The following FRG1 variants were observed in gnomAD, a reference collection of about 807,000 sequenced individuals.
FRG1 encodes the protein protein FRG1.
In FRG1, 19 loss-of-function variants were observed where a neutral mutation model predicts 37.0. The observed-to-expected ratio is 0.51, with a 90% CI of 0.36 to 0.75. The LOEUF (loss-of-function observed/expected upper bound fraction) is 0.75, where lower values mean the gene tolerates loss of function less well. Among genes scored for constraint, FRG1 ranks in the 30% least tolerant of loss-of-function variants. The pLI is 0.00. For synonymous variants in FRG1, 73 were observed against 96.5 expected (o/e 0.76, Z 1.43); for missense variants, 243 against 301.4 (o/e 0.81, Z 1.44).
At chr4:189,954,943 G>T (rs1029045520) in intron 4 of FRG1, 94 bp from the exon 5 acceptor site, 2 of 725,396 alleles carry the variant, frequency 2.8e-6, no homozygotes, top group African/African-American at 3.5e-5. Context: ...TTTTAGATAT[G>T]TACACAGCCA....
intron 4 of FRG1, among the ~76,000 whole-genome samples, chr4:189,954,432 G>C (rs1691368479): frequency 1.3e-5 from 2 of 151,842 alleles, no homozygotes; most frequent in African/African-American, 4.8e-5. Flanking sequence ...ATTTATTCTT[G>C]AACTTTATAA....
chr4:189,960,082 C>T (rs550455676), intron 6 of FRG1, among the ~76,000 whole-genome samples: 1 of 152,192 alleles, frequency 6.6e-6, no homozygotes, highest in Non-Finnish European at 1.5e-5. Context: ...TGCACAAACA[C>T]GTTATTTGTC....
chr4:189,959,022 G>C (rs2126821792), intron 6 of FRG1, among the ~76,000 whole-genome samples: 1 of 152,224 alleles, frequency 6.6e-6, no homozygotes, highest in South Asian at 2.1e-4. Flanking sequence ...CTAAGAGAGG[G>C]GGCAAGTGCC....
chr4:189,959,945 A>C (rs1737159531), intron 6 of FRG1: 1 of 908,920 alleles, frequency 1.1e-6, no homozygotes, highest in Admixed American at 6.2e-5. Context: ...TACCTCTGTC[A>C]GCCCTTCAGC....
Position 189,945,005 on chromosome 4 carries a change from C to T in FRG1, c.133+1733C>T, listed in dbSNP as rs374476393. 2.0e-5 allele frequency among the ~76,000 whole-genome samples: 3 copies of T among 152,160 alleles called. No individual in the cohort carries two copies. In the East Asian group the frequency reaches 5.8e-4, roughly 29 times the overall value. On this transcript the variant is annotated intron_variant, in intron 2 of 8. Transcript: ENST00000226798. ...TAGCCATCTTGCATGCCTGTTTAAA[C>T]ATTTATTCTTAAGTATTTTATAATT...
At chr4:189,950,085 G>A (rs1205599427) in intron 2 of FRG1, among the ~76,000 whole-genome samples, 2 of 152,194 alleles carry the variant, frequency 1.3e-5, no homozygotes, top group Non-Finnish European at 2.9e-5. Flanking sequence ...TCTAATGGGT[G>A]TGAAGTGGTA....
intron 2 of FRG1, among the ~76,000 whole-genome samples, chr4:189,949,109 A>G (rs1424367043): frequency 6.6e-6 from 1 of 152,222 alleles, no homozygotes; most frequent in Non-Finnish European, 1.5e-5. Flanking sequence ...ATGTGTCTAA[A>G]TAGCAAGTAA....
chr4:189,961,765 G>C (rs1192972653), intron 7 of FRG1, 57 bp from the exon 8 acceptor site: 2 of 736,244 alleles, frequency 2.7e-6, no homozygotes, highest in African/African-American at 1.8e-5. Flanking sequence ...AAATTTAATA[G>C]TAAATATGTA....
chr4:189,952,184 CTT>C lies in FRG1; in HGVS notation c.158_159del (p.Phe53TrpfsTer2), dbSNP rs755815784. On this transcript the variant is annotated frameshift_variant, in exon 3 of 9. Transcript: ENST00000226798. LOFTEE classifies it high-confidence loss of function. ...TAGGAATCTGGTGGACAGTAACAAA[CTT>C]TGGTGAAATTTCAGGAACCATAGCC... ...IVGIWWTVTN[F>X]GEISGTIAIE... 10 of 1,596,428 alleles carry C rather than the reference CTT, an allele frequency of 6.3e-6. No individual in the cohort carries two copies. Among genetic ancestry groups the C allele is most frequent in the Middle Eastern group, 2.3e-4 (1 of 4,388 alleles).
intron 1 of FRG1, 30 bp from the exon 2 acceptor site, chr4:189,943,172 A>C (rs1736389393): frequency 6.5e-7 from 1 of 1,538,422 alleles, no homozygotes; most frequent in African/African-American, 1.4e-5. Context: ...CAATATACCT[A>C]AACTCGTCTA....
intron 4 of FRG1, 87 bp downstream of exon 4, chr4:189,953,212 C>T (rs1355323778): frequency 2.7e-5 from 39 of 1,444,902 alleles, no homozygotes; most frequent in Middle Eastern, 2.5e-4. Context: ...TGTCTTAAGC[C>T]CACAGGGTAA....
At chr4:189,950,241 T>C (rs142485063) in intron 2 of FRG1, among the ~76,000 whole-genome samples, 567 of 133,966 alleles carry the variant, frequency 4.2e-3, no homozygotes, top group Middle Eastern at 8.3e-3. Flanking sequence ...ATTTGTCTTT[T>C]TGGAGTTCTC....
intron 1 of FRG1, 107 bp downstream of exon 1, chr4:189,941,178 C>A: frequency 9.9e-7 from 1 of 1,005,496 alleles, no homozygotes; most frequent in Non-Finnish European, 1.5e-6. Flanking sequence ...TTGTGGCCTC[C>A]CAGGCTTCGC....
At chr4:189,942,443 C>G (rs553317140) in intron 1 of FRG1, among the ~76,000 whole-genome samples, 1 of 152,186 alleles carries the variant, frequency 6.6e-6, no homozygotes, top group African/African-American at 2.4e-5. Flanking sequence ...ATCGCCTATT[C>G]TGAATATTTC....
At chr4:189,954,528 CA>C (rs1180824895) in intron 4 of FRG1, among the ~76,000 whole-genome samples, 1 of 149,732 alleles carries the variant, frequency 6.7e-6, no homozygotes, top group Non-Finnish European at 1.5e-5. Context: ...TAAAAAAGCA[CA>C]ATATAAAACT....
intron 2 of FRG1, among the ~76,000 whole-genome samples, chr4:189,951,700 C>G (rs1403412655): frequency 6.6e-6 from 1 of 152,022 alleles, no homozygotes; most frequent in Non-Finnish European, 1.5e-5. Context: ...GGACCTTGCT[C>G]TGTCACTCAG....
At chr4:189,943,627 C>T (rs1175596790) in intron 2 of FRG1, among the ~76,000 whole-genome samples, 1 of 152,112 alleles carries the variant, frequency 6.6e-6, no homozygotes, top group African/African-American at 2.4e-5. Flanking sequence ...TTGTAGAAGT[C>T]GGTTGTCTCT....
intron 2 of FRG1, among the ~76,000 whole-genome samples, chr4:189,948,081 A>G (rs1036381804): frequency 6.6e-6 from 1 of 152,146 alleles, no homozygotes; most frequent in Non-Finnish European, 1.5e-5. Flanking sequence ...TGGAAGAGGA[A>G]GTCCTTCTGC....
At chr4:189,960,939 A>T (rs1372579199) in intron 7 of FRG1, 100 bp downstream of exon 7, 2 of 1,394,220 alleles carry the variant, frequency 1.4e-6, no homozygotes, top group Non-Finnish European at 1.9e-6. Context: ...ATGGTGGTAC[A>T]TGCCTATAGG....
Sources: allele counts gnomAD v4.1 joint callset (sites outside exome capture counted in the v4.1 genomes callset), GRCh38; gene constraint gnomAD v4.1.1; transcripts MANE v1.5; gene names NCBI Gene and HGNC (gene_info 2026-07-23, HGNC 2026-07-21).